NEURL1: variants seen among roughly 807,000 people sequenced by gnomAD.
The protein encoded by NEURL1 is E3 ubiquitin-protein ligase NEURL1.
A neutral mutation model predicts 41.2 loss-of-function variants in NEURL1; 26 were observed. That is an observed-to-expected ratio of 0.63 (90% CI 0.46 to 0.87). The LOEUF (loss-of-function observed/expected upper bound fraction) is 0.87. Ranked by LOEUF, NEURL1 falls within the 40% of genes least tolerant of loss-of-function variation. The pLI is 0.00. For synonymous variants in NEURL1, 400 were observed against 402.3 expected (o/e 0.99, Z 0.07); for missense variants, 761 against 871.1 (o/e 0.87, Z 1.59).
intron 1 of NEURL1, among the ~76,000 whole-genome samples, chr10:103,563,066 G>A (rs559770451): frequency 2.0e-5 from 3 of 152,200 alleles, no homozygotes; most frequent in African/African-American, 4.8e-5. Flanking sequence ...GCAGTTAAAC[G>A]AGTCCATATC....
intron 1 of NEURL1, among the ~76,000 whole-genome samples, chr10:103,537,084 A>T (rs1469542871): frequency 1.3e-5 from 2 of 152,176 alleles, no homozygotes; most frequent in African/African-American, 2.4e-5. Context: ...TTGTTTTAGC[A>T]TATATTAGAA....
chr10:103,519,785 GTTTC>G (rs1374436648), intron 1 of NEURL1, among the ~76,000 whole-genome samples: 2 of 150,024 alleles, frequency 1.3e-5, no homozygotes, highest in Non-Finnish European at 3.0e-5. Context: ...TGTTGTTGTT[GTTTC>G]TTTTTTTTTT....
At position 103,515,844 on chromosome 10, in the gene NEURL1, A is replaced by G. The variant is rs565979772; in HGVS notation, c.85+21372A>G. On this transcript the variant is annotated intron_variant, in intron 1 of 5. Transcript: ENST00000369780. The stretch of plus-strand genomic sequence containing the variant: ...GGACAAGTTGGAAGACCACTTATGA[A>G]GGAAGTGAAGTTGTCTAGGGGAGGG... Among the ~76,000 whole-genome samples, 5 of 152,316 alleles carry G rather than the reference A, an allele frequency of 3.3e-5. No homozygotes were observed. In the South Asian group the frequency reaches 1.0e-3, roughly 32 times the overall value.
intron 1 of NEURL1, among the ~76,000 whole-genome samples, chr10:103,501,618 T>TTTATTATTATTATTATTATTA (rs58396329): frequency 0.11 from 15,687 of 142,440 alleles, 1,087 homozygotes; most frequent in African/African-American, 0.17. Context: ...TCCCACTTTA[T>TTTATTATTATTATTATTATTA]TTATTATTAT....
rs547670537 is a variant in NEURL1, at chr10:103,495,845, C to T, written c.85+1373C>T. Among the ~76,000 whole-genome samples, 18 of 152,298 alleles carry T rather than the reference C, an allele frequency of 1.2e-4. No individual in the cohort carries two copies. The East Asian group carries it at 1.9e-3, about 16-fold the overall frequency. On this transcript the variant is annotated intron_variant, in intron 1 of 5. Coordinates refer to ENST00000369780, the MANE Select transcript of NEURL1 (RefSeq NM_004210.5). ...TTTGTTGGCAGGGTGCGGTGGCTCA[C>T]GCCTGTAATCCGAGCACTTTGGGAG...
chr10:103,571,364 G>C, intron 2 of NEURL1, 137 bp from the exon 3 acceptor site: 1 of 1,030,078 alleles, frequency 9.7e-7, no homozygotes, highest in Non-Finnish European at 1.4e-6. Flanking sequence ...AGCAGGGAGG[G>C]CTCCTGGGAG....
chr10:103,569,716 G>A (rs967660154), intron 1 of NEURL1, among the ~76,000 whole-genome samples: 7 of 152,136 alleles, frequency 4.6e-5, no homozygotes, highest in African/African-American at 1.7e-4. Context: ...CTCTTGCGCT[G>A]CCCAGCCATT....
chr10:103,589,429 G>A, intron 4 of NEURL1, 85 bp from the exon 5 acceptor site: 2 of 1,463,244 alleles, frequency 1.4e-6, no homozygotes, highest in Non-Finnish European at 1.8e-6. Flanking sequence ...GGTCAGGCCT[G>A]GGAACCCACT....
chr10:103,572,377 C>T (rs1232624865), intron 3 of NEURL1, among the ~76,000 whole-genome samples: 2 of 152,214 alleles, frequency 1.3e-5, no homozygotes, highest in Non-Finnish European at 2.9e-5. Context: ...GGGTTCCAAG[C>T]CCACCCCAGT....
At chr10:103,559,898 GCA>G (rs769551877) in intron 1 of NEURL1, among the ~76,000 whole-genome samples, 36 of 151,668 alleles carry the variant, frequency 2.4e-4, no homozygotes, top group East Asian at 2.3e-3. Context: ...ACACATGCAT[GCA>G]CACACACAAC....
chr10:103,529,324 T>C (rs1564811325), intron 1 of NEURL1, among the ~76,000 whole-genome samples: 1 of 152,156 alleles, frequency 6.6e-6, no homozygotes, highest in Non-Finnish European at 1.5e-5. Flanking sequence ...GAGCCATGGG[T>C]TTGTGACTGC....
At position 103,566,509 on chromosome 10, in the gene NEURL1, G is replaced by A. The variant is rs2035427845; in HGVS notation, c.86-4363G>A. On this transcript the variant is annotated intron_variant, in intron 1 of 5. Transcript: ENST00000369780. This position sits in a 1 kb window ranked among gnomAD's most constrained non-coding sequence, Gnocchi z 4.2. ...TCTTTCACATAGCATACTTTTGAGA[G>A]CCATTTTTTTAGTGTATATCAGTGG... Among the ~76,000 whole-genome samples, 1 of 152,138 alleles carries A rather than the reference G, an allele frequency of 6.6e-6. No homozygotes were observed. The highest frequency in any genetic ancestry group is 2.4e-5 in the African/African-American group (1 of 41,426).
intron 1 of NEURL1, among the ~76,000 whole-genome samples, chr10:103,536,323 C>T (rs1306303164): frequency 6.6e-6 from 1 of 152,144 alleles, no homozygotes; most frequent in East Asian, 1.9e-4. Flanking sequence ...GCGGGTGGAT[C>T]ACCTGAGGTC....
intron 1 of NEURL1, among the ~76,000 whole-genome samples, chr10:103,516,725 C>A (rs1357537110): frequency 6.6e-6 from 1 of 152,118 alleles, no homozygotes; most frequent in African/African-American, 2.4e-5. Context: ...TAAGGGCCTA[C>A]GAATTGCCTG....
chr10:103,569,060 C>A (rs111455146), intron 1 of NEURL1, among the ~76,000 whole-genome samples: 7,017 of 152,290 alleles, frequency 0.046, 554 homozygotes, highest in African/African-American at 0.16. Context: ...GGTAATCCAC[C>A]CTCTTTGGCC....
intron 1 of NEURL1, among the ~76,000 whole-genome samples, chr10:103,505,000 C>T (rs117277818): frequency 1.3e-3 from 190 of 151,918 alleles, no homozygotes; most frequent in Middle Eastern, 6.9e-3. Flanking sequence ...TGCCACTGGC[C>T]GCTCCAAATG....
intron 1 of NEURL1, among the ~76,000 whole-genome samples, chr10:103,534,733 C>T (rs1361081906): frequency 2.0e-5 from 3 of 152,116 alleles, no homozygotes; most frequent in Non-Finnish European, 4.4e-5. Flanking sequence ...GCCCTGAGTT[C>T]CAGGTGCAGG....
At chr10:103,536,051 G>A (rs1460612265) in intron 1 of NEURL1, among the ~76,000 whole-genome samples, 2 of 152,208 alleles carry the variant, frequency 1.3e-5, no homozygotes, top group Non-Finnish European at 2.9e-5. Context: ...AGGGACTCCA[G>A]TGGTGAGGTC....
At chr10:103,555,242 GA>G in intron 1 of NEURL1, 8 of 923,936 alleles carry the variant, frequency 8.7e-6, no homozygotes, top group Non-Finnish European at 1.0e-5. Flanking sequence ...GGGGGCGCGG[GA>G]GGGGCCTCGG....
Sources: allele counts gnomAD v4.1 joint callset (sites outside exome capture counted in the v4.1 genomes callset), GRCh38; gene constraint gnomAD v4.1.1; non-coding constraint Gnocchi (gnomAD v3.1); transcripts MANE v1.5; gene names NCBI Gene and HGNC (gene_info 2026-07-23, HGNC 2026-07-21).